The following KATNAL1 variants were observed in gnomAD, a reference collection of about 807,000 sequenced individuals.
KATNAL1 encodes the protein katanin p60 ATPase-containing subunit A-like 1.
In KATNAL1, 32 loss-of-function variants were observed where a neutral mutation model predicts 55.2. The ratio of observed to expected loss-of-function variants is 0.58; its 90% CI spans 0.44 to 0.78. The LOEUF (loss-of-function observed/expected upper bound fraction) is 0.78, where lower values mean the gene tolerates loss of function less well. Ranked by LOEUF, KATNAL1 falls within the 30% of genes least tolerant of loss-of-function variation. KATNAL1 has a pLI of 0.00. For missense variants in KATNAL1, 466 were observed against 600.9 expected (o/e 0.78, Z 2.35); for synonymous variants, 193 against 193.6 (o/e 1.00, Z 0.02).
At chr13:30,251,544 C>T (rs1236694418) in intron 4 of KATNAL1, among the ~76,000 whole-genome samples, 1 of 152,160 alleles carries the variant, frequency 6.6e-6, no homozygotes, top group Non-Finnish European at 1.5e-5. Context: ...AAGGTGCCAT[C>T]TAGAAGGAAC....
At chr13:30,268,455 T>A (rs2137497129) in intron 3 of KATNAL1, among the ~76,000 whole-genome samples, 1 of 152,298 alleles carries the variant, frequency 6.6e-6, no homozygotes, top group South Asian at 2.1e-4. Context: ...TAAATAAAAA[T>A]AAATCTACAT....
intron 2 of KATNAL1, among the ~76,000 whole-genome samples, chr13:30,281,554 T>C (rs1171276786): frequency 6.6e-6 from 1 of 152,218 alleles, no homozygotes; most frequent in African/African-American, 2.4e-5. Flanking sequence ...AGCAAGTATA[T>C]TGTTCTCAAT....
intron 4 of KATNAL1, among the ~76,000 whole-genome samples, chr13:30,242,203 A>C (rs773072672): frequency 1.3e-5 from 2 of 152,190 alleles, no homozygotes. Context: ...TACAACAGAA[A>C]CTGACATATC....
At chr13:30,288,377 C>G (rs1235479876) in intron 1 of KATNAL1, among the ~76,000 whole-genome samples, 2 of 152,110 alleles carry the variant, frequency 1.3e-5, no homozygotes, top group Non-Finnish European at 2.9e-5. Context: ...TTCCTTGGCA[C>G]TTACATCGAG....
At chr13:30,261,408 A>G (rs1184176585) in intron 3 of KATNAL1, among the ~76,000 whole-genome samples, 1 of 151,284 alleles carries the variant, frequency 6.6e-6, no homozygotes, top group Non-Finnish European at 1.5e-5. Flanking sequence ...GCTCCAGTTA[A>G]AAGACACAGA....
intron 3 of KATNAL1, among the ~76,000 whole-genome samples, chr13:30,261,305 A>T (rs1413563221): frequency 6.6e-6 from 1 of 152,080 alleles, no homozygotes; most frequent in African/African-American, 2.4e-5. Context: ...AAGAAACTGC[A>T]TCAACTAACG....
chr13:30,251,219 C>T (rs1166028792), intron 4 of KATNAL1, among the ~76,000 whole-genome samples: 1 of 148,672 alleles, frequency 6.7e-6, no homozygotes, highest in East Asian at 2.0e-4. Flanking sequence ...TCTTCTGCTA[C>T]CTAATATTTT....
At chr13:30,247,696 T>A (rs1367912342) in intron 4 of KATNAL1, among the ~76,000 whole-genome samples, 1 of 151,970 alleles carries the variant, frequency 6.6e-6, no homozygotes, top group East Asian at 1.9e-4. Context: ...AAAGAAGAAA[T>A]GGATGCCAGA....
intron 3 of KATNAL1, among the ~76,000 whole-genome samples, chr13:30,263,404 C>A (rs1406064875): frequency 3.8e-4 from 57 of 150,724 alleles, no homozygotes; most frequent in Non-Finnish European, 6.8e-4. Context: ...AAAGGGTATT[C>A]AATTAGGAAA....
At chr13:30,231,537 CAGCTATT>C in intron 6 of KATNAL1, 65 bp from the exon 7 acceptor site, 4 of 1,078,452 alleles carry the variant, frequency 3.7e-6, no homozygotes, top group Non-Finnish European at 5.0e-6. Context: ...AAATTATCAT[CAGCTATT>C]AATGTACATT....
chr13:30,208,865 T>C, intron 10 of KATNAL1, 127 bp from the exon 11 acceptor site: 1 of 681,616 alleles, frequency 1.5e-6, no homozygotes, highest in South Asian at 2.7e-5. Flanking sequence ...TTCTTAGAAT[T>C]TTCCACTTAA....
chr13:30,298,751 G>T (rs561921215), intron 1 of KATNAL1, among the ~76,000 whole-genome samples: 1 of 152,064 alleles, frequency 6.6e-6, no homozygotes, highest in Non-Finnish European at 1.5e-5. Context: ...GATAAAAGGA[G>T]AATCAATAAA....
At chr13:30,235,385 T>A (rs1194480023) in intron 6 of KATNAL1, among the ~76,000 whole-genome samples, 1 of 152,150 alleles carries the variant, frequency 6.6e-6, no homozygotes, top group Non-Finnish European at 1.5e-5. Context: ...CCAGTTCTCA[T>A]GAGAATGAAC....
At chr13:30,278,287 A>G (rs1027115980) in intron 3 of KATNAL1, among the ~76,000 whole-genome samples, 1 of 152,024 alleles carries the variant, frequency 6.6e-6, no homozygotes, top group African/African-American at 2.4e-5. Context: ...GAAAAAAAAA[A>G]CACACATACA....
intron 6 of KATNAL1, among the ~76,000 whole-genome samples, chr13:30,235,634 G>A (rs1876579350): frequency 6.6e-6 from 1 of 152,248 alleles, no homozygotes; most frequent in South Asian, 2.1e-4. Flanking sequence ...GGAGAGCAAA[G>A]CATCCTGACT....
chr13:30,227,505 C>G lies in KATNAL1; in HGVS notation c.1054G>C (p.Val352Leu). Residue 352 changes from valine to leucine, a missense_variant, in exon 9 of 11, where the codon GTT (valine) becomes CTT (leucine). By Grantham distance (32) the Val-to-Leu change is conservative. Around this residue, in one of 3 missense-constraint regions of KATNAL1, gnomAD observed 213 missense variants for 308.6 expected, o/e 0.69. Transcript: ENST00000380615. Reference sequence around the variant, plus strand: ...AAATTAGTAGCAGCCAATACCATAACCATTTTGGAAGGATCATCATTTTCT... The same window carrying G: ...AAATTAGTAGCAGCCAATACCATAAGCATTTTGGAAGGATCATCATTTTCT... ...ALENDDPSKM[V>L]MVLAATNFPW... 6.2e-7 allele frequency: 1 copy of G among 1,613,874 alleles called. No individual in the cohort carries two copies. The highest frequency in any genetic ancestry group is 8.5e-7 in the Non-Finnish European group (1 of 1,179,832).
chr13:30,230,703 T>C, intron 7 of KATNAL1, 109 bp from the exon 8 acceptor site: 1 of 766,554 alleles, frequency 1.3e-6, no homozygotes, highest in Non-Finnish European at 2.0e-6. Flanking sequence ...CTTCTCACTG[T>C]TTTAATGCCA....
At chr13:30,237,829 C>A (rs1876845621) in intron 6 of KATNAL1, among the ~76,000 whole-genome samples, 1 of 152,194 alleles carries the variant, frequency 6.6e-6, no homozygotes, top group South Asian at 2.1e-4. Context: ...CCTTCCTGAG[C>A]TCCACATTTA....
chr13:30,266,292 G>C (rs542102472), intron 3 of KATNAL1, among the ~76,000 whole-genome samples: 149 of 152,210 alleles, frequency 9.8e-4, no homozygotes, highest in South Asian at 1.7e-3. Context: ...GTGAGCCACT[G>C]CACCTGGCCC....
Sources: gnomAD v4.1 joint callset for allele counts (sites outside exome capture counted in the v4.1 genomes callset) on GRCh38, gnomAD v4.1.1 for gene constraint, gnomAD v4.1.1 regional missense constraint, MANE v1.5 for transcripts, NCBI Gene and HGNC (gene_info 2026-07-23, HGNC 2026-07-21) for gene names.